The following MYH10 variants were observed in gnomAD, a reference collection of about 807,000 sequenced individuals.
MYH10 encodes myosin-10.
Under a neutral mutation model 257.8 loss-of-function variants are expected in MYH10, and 55 were observed. That is an observed-to-expected ratio of 0.21 (90% confidence interval 0.17 to 0.27). The LOEUF is 0.27. Among genes scored for constraint, MYH10 ranks in the 10% least tolerant of loss-of-function variants. The pLI is 1.00. For missense variants in MYH10, 1,631 were observed against 2,500.6 expected, an observed-to-expected ratio of 0.65 and a Z score of 7.42; for synonymous variants, 854 against 921.7, an observed-to-expected ratio of 0.93 and a Z score of 1.33.
rs765506307 is a variant in MYH10 at position 8,475,955 on chromosome 17, A to G, written c.5880-7T>C. 8 of 1,611,610 alleles carry G rather than the reference A, an allele frequency of 5.0e-6. No homozygotes were observed. The highest frequency in any genetic ancestry group is 6.8e-6 in the Non-Finnish European group (8 of 1,179,560). ...GCTGATGGGGCCACCCCGCCTGGAG[A>G]ACACAGGAAGCAGATGTGTGTGGGT... On this transcript the variant is annotated splice_region_variant and splice_polypyrimidine_tract_variant and intron_variant, in intron 42 of 42. Transcript: ENST00000360416.
chr17:8,548,098 G>C (rs1320826589), intron 11 of MYH10, among the ~76,000 whole-genome samples: 1 of 152,010 alleles, frequency 6.6e-6, no homozygotes, highest in Admixed American at 6.6e-5. Flanking sequence ...TGCATGCTAA[G>C]GCAGAGACCA....
chr17:8,501,442 T>C (rs916353542), intron 28 of MYH10, among the ~76,000 whole-genome samples: 1 of 152,196 alleles, frequency 6.6e-6, no homozygotes, highest in Non-Finnish European at 1.5e-5. Context: ...GATGCCAAAC[T>C]GCCTGCCATA....
At position 8,521,116 on chromosome 17, in the gene MYH10, A is replaced by G; in HGVS notation, c.2127T>C (p.Cys709=). Residue 709 remains cysteine, a synonymous_variant, in exon 18 of 43, where the codon TGT becomes TGC. Transcript: ENST00000360416. ...CCCTCTTCTCGTGATTTGGAATGAT[A>G]CAACGAACAAAGTTAGGGTTGGTGT... The part of the protein sequence containing the change: ...LRNTNPNFVR[C]IIPNHEKRAG... 6.2e-7 allele frequency: 1 copy of G among 1,614,252 alleles called. No homozygotes were observed.
chr17:8,564,516 C>T (rs1490111403), intron 7 of MYH10, among the ~76,000 whole-genome samples: 2 of 152,288 alleles, frequency 1.3e-5, no homozygotes, highest in East Asian at 3.9e-4. Flanking sequence ...CTAGCATATG[C>T]ACTACCTTCC....
intron 3 of MYH10, among the ~76,000 whole-genome samples, chr17:8,599,347 T>C (rs2084506072): frequency 1.3e-5 from 2 of 152,188 alleles, no homozygotes; most frequent in Admixed American, 6.5e-5. Context: ...ATTCTTTTTT[T>C]CCCTACTTAA....
In MYH10 at chr17:8,586,113, G is replaced by C. The variant is rs913773051; in HGVS notation, c.530+2968C>G. ...CAGATTGAGAAAAGCATGCCCTTTA[G>C]CACCGAACAGAGTGAACCCAGCTGT... On this transcript the variant is annotated intron_variant, in intron 4 of 42. Coordinates refer to ENST00000360416, the MANE Select transcript of MYH10 (RefSeq NM_001256012.3). Among the ~76,000 whole-genome samples, 4 of 152,130 alleles carry C rather than the reference G, an allele frequency of 2.6e-5. No individual in the cohort carries two copies. In the South Asian group the frequency reaches 8.3e-4, roughly 32 times the overall value.
intron 8 of MYH10, among the ~76,000 whole-genome samples, chr17:8,553,616 C>A (rs2082707264): frequency 6.6e-6 from 1 of 152,100 alleles, no homozygotes; most frequent in Non-Finnish European, 1.5e-5. Flanking sequence ...TCAATGATTA[C>A]ATGCTCATCC....
At chr17:8,524,666 G>T (rs955117892) in intron 17 of MYH10, among the ~76,000 whole-genome samples, 2 of 151,992 alleles carry the variant, frequency 1.3e-5, no homozygotes, top group African/African-American at 2.4e-5. Context: ...CTGGGCTCCT[G>T]CTTCTGACCT....
At chr17:8,488,596 A>G (rs1196774868) in intron 35 of MYH10, among the ~76,000 whole-genome samples, 1 of 152,188 alleles carries the variant, frequency 6.6e-6, no homozygotes, top group East Asian at 1.9e-4. Context: ...TGCCTTCACA[A>G]CCTTCCGCTT....
chr17:8,478,599 C>A (rs886770726), intron 40 of MYH10, among the ~76,000 whole-genome samples, 153 bp from the exon 41 acceptor site: 6 of 152,188 alleles, frequency 3.9e-5, no homozygotes, highest in Admixed American at 1.3e-4. Flanking sequence ...TGTGCTGAAA[C>A]CTTTCCTTCT....
Position 8,508,568 on chromosome 17 carries a change from A to C in MYH10, c.3200T>G (p.Ile1067Ser). The change falls in exon 26 of 43, where the codon ATC becomes AGC. Residue 1067 changes from isoleucine (I) to serine (S), a missense_variant. Transcript: ENST00000360416. ...AKIRNKQEVM[I>S]SDLEERLKKE... Reference sequence around the variant, plus strand: ...CAAATACTAACCTTCTAAATCTGAGATCATCACTTCTTGCTTATTCCTGAT... The same window carrying C: ...CAAATACTAACCTTCTAAATCTGAGCTCATCACTTCTTGCTTATTCCTGAT... 1.2e-6 allele frequency: 2 copies of C among 1,614,122 alleles called. No homozygotes were observed. The highest frequency in any genetic ancestry group is 1.7e-6 in the Non-Finnish European group (2 of 1,180,010).
At chr17:8,476,040 C>G in intron 42 of MYH10, 92 bp from the exon 43 acceptor site, 1 of 1,377,962 alleles carries the variant, frequency 7.3e-7, no homozygotes, top group Non-Finnish European at 9.8e-7. Flanking sequence ...CGGAACCTTC[C>G]CCTTGCACCC....
chr17:8,558,145 T>G (rs2082869762), intron 7 of MYH10, among the ~76,000 whole-genome samples: 2 of 152,210 alleles, frequency 1.3e-5, no homozygotes, highest in South Asian at 4.1e-4. Context: ...TTGTTTGGAT[T>G]TTTGTTTTAA....
intron 34 of MYH10, among the ~76,000 whole-genome samples, chr17:8,491,030 C>G (rs573081363): frequency 2.0e-5 from 3 of 152,222 alleles, no homozygotes; most frequent in Non-Finnish European, 4.4e-5. Flanking sequence ...AGTACACAGG[C>G]CTTGATCTTT....
chr17:8,484,006 C>T, intron 37 of MYH10, 132 bp downstream of exon 37: 1 of 803,384 alleles, frequency 1.2e-6, no homozygotes, highest in South Asian at 2.2e-5. Flanking sequence ...AAAATGGATA[C>T]TTAAAAAAAT....
At chr17:8,512,760 G>A in intron 23 of MYH10, 103 bp from the exon 24 acceptor site, 1 of 858,864 alleles carries the variant, frequency 1.2e-6, no homozygotes, top group East Asian at 2.8e-5. Flanking sequence ...GAAACTGGGA[G>A]ATAAAAATAT....
In MYH10 at chr17:8,604,838, A is replaced by T. The variant is rs1399028556; in HGVS notation, c.490T>A (p.Cys164Ser). The part of the protein sequence containing the change: ...IYAISESAYR[C>S]MLQDREDQSI... Reference sequence around the variant, plus strand: ...TATTTCCAATTACCTTGAAGCATGCATCTGTAAGCAGATTCAGATATAGCA... The same window carrying T: ...TATTTCCAATTACCTTGAAGCATGCTTCTGTAAGCAGATTCAGATATAGCA... The change falls in exon 3 of 43, where the codon TGC (cysteine) becomes AGC (serine). Residue 164 changes from cysteine (C) to serine (S), a missense_variant. Physicochemically the swap from Cys to Ser is moderately radical, Grantham distance 112 (BLOSUM62 -1). This residue lies in a region of MYH10 where 360 missense variants were observed against 581.9 expected (regional missense o/e 0.62). Coordinates refer to ENST00000360416, the MANE Select transcript of MYH10 (RefSeq NM_001256012.3). The T allele has an allele frequency of 3.2e-6, 5 of 1,547,234 alleles. No individual in the cohort carries two copies. Among genetic ancestry groups the T allele is most frequent in the Admixed American group, 3.9e-5 (2 of 51,164 alleles).
intron 30 of MYH10, among the ~76,000 whole-genome samples, chr17:8,498,543 G>A (rs1388267190): frequency 6.6e-6 from 1 of 152,068 alleles, no homozygotes; most frequent in Non-Finnish European, 1.5e-5. Context: ...CTGCCAAACT[G>A]TCCTTTAGAA....
Position 8,490,723 on chromosome 17 carries a change from C to T in MYH10, c.4672-171G>A, listed in dbSNP as rs1411923382. 1.3e-5 allele frequency among the ~76,000 whole-genome samples: 2 copies of T among 152,238 alleles called. No individual in the cohort carries two copies. The highest frequency in any genetic ancestry group is 2.9e-5 in the Non-Finnish European group (2 of 68,042). ...CTTCCCTCTCCCCTGAAAGCTGCTG[C>T]TATTCTCCATTTCAGTGTATGCAGT... On this transcript the variant is annotated intron_variant, in intron 34 of 42. Transcript: ENST00000360416. The surrounding 1 kb of genome is among the most constrained non-coding windows in gnomAD (Gnocchi z 4.1).
Sources: gnomAD v4.1 joint callset for allele counts (sites outside exome capture counted in the v4.1 genomes callset) on GRCh38, gnomAD v4.1.1 for gene constraint, gnomAD v4.1.1 regional missense constraint, Gnocchi (gnomAD v3.1) non-coding constraint, MANE v1.5 for transcripts, NCBI Gene and HGNC (gene_info 2026-07-23, HGNC 2026-07-21) for gene names.